The following CHD8 variants were observed in gnomAD, a reference collection of about 807,000 sequenced individuals.
CHD8 encodes the protein ATP-dependent chromatin remodeler CHD8.
A neutral mutation model predicts 279.2 loss-of-function variants in CHD8; 31 were observed. The ratio of observed to expected loss-of-function variants is 0.11; its 90% CI spans 0.08 to 0.15. The LOEUF is 0.15. Among genes scored for constraint, CHD8 ranks in the 10% least tolerant of loss-of-function variants. The pLI, the probability that CHD8 is intolerant of heterozygous loss-of-function variation, is 1.00. For missense variants in CHD8, 2,146 were observed against 3,230.5 expected, an observed-to-expected ratio of 0.66 and a Z score of 8.14; for synonymous variants, 1,081 against 1,139.6, an observed-to-expected ratio of 0.95 and a Z score of 1.04.
intron 37 of CHD8, 200 bp from the exon 38 acceptor site, chr14:21,386,376 T>A (rs1887236029): frequency 8.5e-6 from 5 of 591,338 alleles, no homozygotes; most frequent in Non-Finnish European, 1.5e-5. Context: ...AACATTCTGA[T>A]ACTAAAGTTA....
intron 1 of CHD8, chr14:21,436,965 A>G (rs543668372): frequency 1.6e-6 from 2 of 1,285,618 alleles, no homozygotes; most frequent in South Asian, 2.5e-5. Flanking sequence ...ATTTCTGGTA[A>G]CTGGAGACCC....
chr14:21,411,061 G>C (rs917909545), intron 10 of CHD8, among the ~76,000 whole-genome samples: 33 of 152,264 alleles, frequency 2.2e-4, no homozygotes, highest in African/African-American at 7.2e-4. Flanking sequence ...TAGTATTAGA[G>C]TATGAAAACA....
At chr14:21,440,662 A>G (rs1331679367) in intron 1 of CHD8, among the ~76,000 whole-genome samples, 2 of 152,188 alleles carry the variant, frequency 1.3e-5, no homozygotes, top group Non-Finnish European at 2.9e-5. Flanking sequence ...AGGAAACTCT[A>G]GTTCTGTAGT....
Position 21,402,612 on chromosome 14 carries a change from G to T in CHD8, c.3715-109C>A. 2 of 1,067,704 alleles carry T rather than the reference G, an allele frequency of 1.9e-6. No homozygotes were observed. The highest frequency in any genetic ancestry group is 1.3e-6 in the Non-Finnish European group (1 of 760,054). The allele number at this position is 1,067,704 out of a possible 1,614,324, so 66.1% of individuals were successfully genotyped here. ...TCTTTCACCTCTATAGAGCAGCCAT[G>T]AGATCAACTCAAAACCAAGAGTCAA... On this transcript the variant is annotated intron_variant, in intron 18 of 37. Transcript: ENST00000646647. This position sits in a 1 kb window ranked among gnomAD's most constrained non-coding sequence, Gnocchi z 4.5.
In CHD8 at chr14:21,400,298, A is replaced by G. The variant is rs369318679; in HGVS notation, c.4580T>C (p.Ile1527Thr). ...KELQNHSGLSIPVPRGRKGKK... is the reference protein window; with the variant it reads ...KELQNHSGLSTPVPRGRKGKK... ...TCCTTTGCGTCCACGAGGCACAGGG[A>G]TAGATAGACCTGGGAAAGGGGAGAC... Residue 1527 changes from isoleucine (I) to threonine (T), a missense_variant, in exon 24 of 38, where the codon ATC (isoleucine) becomes ACC (threonine). Ile to Thr is a moderately conservative substitution (Grantham distance 89). This residue lies in a region of CHD8 where 73 missense variants were observed against 153.2 expected (regional missense o/e 0.48). Coordinates refer to ENST00000646647, the MANE Select transcript of CHD8 (RefSeq NM_001170629.2). The surrounding 1 kb of genome is among the most constrained non-coding windows in gnomAD (Gnocchi z 4.2). The G allele has an allele frequency of 6.2e-7, 1 of 1,613,800 alleles. No homozygotes were observed. Among genetic ancestry groups the G allele is most frequent in the African/African-American group, 1.3e-5 (1 of 74,906 alleles).
At position 21,400,839 on chromosome 14, in the gene CHD8, C is replaced by T; in HGVS notation, c.4370+36G>A. 6.4e-7 allele frequency: 1 copy of T among 1,553,392 alleles called. No homozygotes were observed. The highest frequency in any genetic ancestry group is 8.7e-7 in the Non-Finnish European group (1 of 1,148,236). Reference sequence around the variant, plus strand: ...GAGTATCTATCAGGATGGAGATGCACTATGCACTACCTCTAATGGTAAGTT... The same window carrying T: ...GAGTATCTATCAGGATGGAGATGCATTATGCACTACCTCTAATGGTAAGTT... On this transcript the variant is annotated intron_variant, in intron 22 of 37. Transcript: ENST00000646647. The surrounding 1 kb of genome is among the most constrained non-coding windows in gnomAD (Gnocchi z 4.2).
chr14:21,401,672 C>T (rs1166888188), intron 20 of CHD8, 159 bp from the exon 21 acceptor site: 2 of 588,266 alleles, frequency 3.4e-6, no homozygotes, highest in Non-Finnish European at 5.8e-6. Flanking sequence ...GCAACCTCCA[C>T]CCCCTGGGTT....
intron 1 of CHD8, among the ~76,000 whole-genome samples, chr14:21,441,995 G>C (rs971772198): frequency 6.6e-6 from 1 of 152,238 alleles, no homozygotes; most frequent in Admixed American, 6.5e-5. Flanking sequence ...CTAAAAGTCT[G>C]GCTTGGAGAT....
chr14:21,431,608 T>G lies in CHD8; in HGVS notation c.36A>C (p.Pro12=). 1.3e-6 allele frequency: 2 copies of G among 1,537,346 alleles called. No individual in the cohort carries two copies. The highest frequency in any genetic ancestry group is 1.7e-6 in the Non-Finnish European group (2 of 1,146,830). The change falls in exon 2 of 38, where the codon CCA becomes CCC. Residue 12 remains proline, a synonymous_variant. Transcript: ENST00000646647. ...ADPIMDLFDD[P]NLFGLDSLTD... is the part of the protein sequence containing the mutation. ...TCAGAGAGTCCAGGCCAAATAAATT[T>G]GGGTCATCGAACAGATCCATGATGG...
chr14:21,401,466 G>A lies in CHD8; in HGVS notation c.4110C>T (p.Asp1370=). 1.2e-6 allele frequency: 2 copies of A among 1,600,942 alleles called. No homozygotes were observed. The highest frequency in any genetic ancestry group is 2.3e-5 in the South Asian group (2 of 88,736). The change falls in exon 21 of 38, where the codon GAC becomes GAT. Residue 1370 remains aspartate, a synonymous_variant. Transcript: ENST00000646647. ...SENRTDISLD[D]PNFWQKWAKK... Reference sequence around the variant, plus strand: ...TGGCCCACTTTTGCCAAAAGTTGGGGTCATCCAAAGAAATATCTGTCCTGT... The same window carrying A: ...TGGCCCACTTTTGCCAAAAGTTGGGATCATCCAAAGAAATATCTGTCCTGT...
chr14:21,452,109 A>T (rs1890270369), intron 1 of CHD8, among the ~76,000 whole-genome samples: 2 of 152,098 alleles, frequency 1.3e-5, no homozygotes, highest in South Asian at 2.1e-4. Context: ...GGCACGATCT[A>T]GGCTCACTGC....
At position 21,402,892 on chromosome 14, in the gene CHD8, T is replaced by C; in HGVS notation, c.3714+125A>G. 1.3e-6 allele frequency: 1 copy of C among 769,024 alleles called. No individual in the cohort carries two copies. Among genetic ancestry groups the C allele is most frequent in the South Asian group, 2.0e-5 (1 of 49,548 alleles). The allele number at this position is 769,024 out of a possible 1,614,324, so 47.6% of individuals were successfully genotyped here. On this transcript the variant is annotated intron_variant, in intron 18 of 37. Transcript: ENST00000646647. The surrounding 1 kb of genome is among the most constrained non-coding windows in gnomAD (Gnocchi z 4.5). ...GAAAACGTTTGCTGATTCCCTGACC[T>C]AACTGCCACCCTTAACTAAGGAAAC... is the stretch of plus-strand genomic sequence containing the variant.
rs747009568 is a variant in CHD8, at chr14:21,395,019, C to T, written c.5283G>A (p.Lys1761=). The T allele has an allele frequency of 1.7e-5, 27 of 1,613,928 alleles. No individual in the cohort carries two copies. Among genetic ancestry groups the T allele is most frequent in the Non-Finnish European group, 2.2e-5 (26 of 1,179,910 alleles). The change falls in exon 30 of 38, where the codon AAG becomes AAA. Residue 1761 remains lysine (K), a synonymous_variant. Coordinates refer to ENST00000646647, the MANE Select transcript of CHD8 (RefSeq NM_001170629.2). ...RLVTAYQRSY[K]REQMKIEAAE... ...CAGCCTCTATCTTCATTTGTTCTCTCTTGTAGCTGCGCTGATACGCTGTTA... is the reference window on the plus strand; with the variant it reads ...CAGCCTCTATCTTCATTTGTTCTCTTTTGTAGCTGCGCTGATACGCTGTTA...
chr14:21,403,110 C>T lies in CHD8; in HGVS notation c.3621G>A (p.Leu1207=). ...TACCAAGTCCACCAGCCCGGGTACACAGTAAGAAGACAAAGCGGTCTGAGT... is the reference window on the plus strand; with the variant it reads ...TACCAAGTCCACCAGCCCGGGTACATAGTAAGAAGACAAAGCGGTCTGAGT... ...KPDSDRFVFL[L]CTRAGGLGIN... is the part of the protein sequence containing the mutation. The change falls in exon 18 of 38, where the codon CTG becomes CTA. Residue 1207 remains leucine, a synonymous_variant. Coordinates refer to ENST00000646647, the MANE Select transcript of CHD8 (RefSeq NM_001170629.2). This position sits in a 1 kb window ranked among gnomAD's most constrained non-coding sequence, Gnocchi z 4.3. 1 of 1,614,016 alleles carries T rather than the reference C, an allele frequency of 6.2e-7. No homozygotes were observed. Among genetic ancestry groups the T allele is most frequent in the South Asian group, 1.1e-5 (1 of 91,084 alleles).
At chr14:21,453,121 C>T (rs867884133) in intron 1 of CHD8, among the ~76,000 whole-genome samples, 1 of 151,764 alleles carries the variant, frequency 6.6e-6, no homozygotes, top group African/African-American at 2.4e-5. Context: ...CCAGCTGGGG[C>T]AAGATGGCAA....
Position 21,400,919 on chromosome 14 carries a change from C to G in CHD8, c.4326G>C (p.Gly1442=). 6.2e-7 allele frequency: 1 copy of G among 1,613,636 alleles called. No homozygotes were observed. Among genetic ancestry groups the G allele is most frequent in the Non-Finnish European group, 8.5e-7 (1 of 1,179,706 alleles). Residue 1442 remains glycine, a synonymous_variant, in exon 22 of 38, where the codon GGG becomes GGC. Coordinates refer to ENST00000646647, the MANE Select transcript of CHD8 (RefSeq NM_001170629.2). This position sits in a 1 kb window ranked among gnomAD's most constrained non-coding sequence, Gnocchi z 4.2. The stretch of plus-strand genomic sequence containing the variant: ...TTTCCACCCGAAAGCAGTCAGTGCG[C>G]CCATAGGCATGATGACGGTCATGTC... ...SRRHDRHHAY[G]RTDCFRVEKH...
chr14:21,394,624 AG>A, intron 30 of CHD8, 139 bp from the exon 31 acceptor site: 2 of 575,704 alleles, frequency 3.5e-6, no homozygotes, highest in South Asian at 2.2e-5. Context: ...AAAAAAAAAA[AG>A]GCCCAGAAGA....
At position 21,385,428 on chromosome 14, in the gene CHD8, C is replaced by G. The variant is rs990342770; in HGVS notation, c.*185G>C. The G allele has an allele frequency of 1.0e-6, 1 of 978,400 alleles. No individual in the cohort carries two copies. The highest frequency in any genetic ancestry group is 2.7e-5 in the East Asian group (1 of 37,352). 60.6% of individuals were successfully genotyped at this position (978,400 alleles called of 1,614,324 possible). On this transcript the variant is annotated 3_prime_UTR_variant, in exon 38 of 38. Coordinates refer to ENST00000646647, the MANE Select transcript of CHD8 (RefSeq NM_001170629.2). Reference sequence around the variant, plus strand: ...GGTCATGTATTATTTTAGGAGTTCCCCTGCCCACCCAATCCTCTCATAATT... The same window carrying G: ...GGTCATGTATTATTTTAGGAGTTCCGCTGCCCACCCAATCCTCTCATAATT...
At chr14:21,452,431 G>A (rs1187586375) in intron 1 of CHD8, among the ~76,000 whole-genome samples, 1 of 152,002 alleles carries the variant, frequency 6.6e-6, no homozygotes, top group Admixed American at 6.5e-5. Context: ...TCAGCCTGAG[G>A]TCAGGAGTTT....
Sources: gnomAD v4.1 joint callset for allele counts (sites outside exome capture counted in the v4.1 genomes callset) on GRCh38, gnomAD v4.1.1 for gene constraint, gnomAD v4.1.1 regional missense constraint, Gnocchi (gnomAD v3.1) non-coding constraint, MANE v1.5 for transcripts, NCBI Gene and HGNC (gene_info 2026-07-23, HGNC 2026-07-21) for gene names.